The following FAT3 variants were observed in gnomAD, a reference collection of about 807,000 sequenced individuals.
FAT3 encodes protocadherin Fat 3.
In FAT3, 95 loss-of-function variants were observed where a neutral mutation model predicts 310.2. The ratio of observed to expected loss-of-function variants is 0.31; its 90% CI spans 0.26 to 0.36. The LOEUF is 0.36. FAT3 is among the 10% of genes least tolerant of loss of function. The probability of loss-of-function intolerance (pLI) is 1.00; values close to 1 mark genes in which losing one functional copy is unlikely to be tolerated. For missense variants in FAT3, 5,408 were observed against 5,715.6 expected (o/e 0.95, Z 1.74); for synonymous variants, 2,314 against 2,192.9 (o/e 1.06, Z -1.54).
At chr11:92,586,698 C>T (rs1233092564) in intron 3 of FAT3, among the ~76,000 whole-genome samples, 2 of 151,942 alleles carry the variant, frequency 1.3e-5, no homozygotes, top group Non-Finnish European at 2.9e-5. Flanking sequence ...CTAAACTCTA[C>T]TAATCATGAT....
At chr11:92,781,455 G>A (rs1296760987) in intron 7 of FAT3, among the ~76,000 whole-genome samples, 6 of 152,132 alleles carry the variant, frequency 3.9e-5, no homozygotes, top group South Asian at 2.1e-4. Flanking sequence ...AGAAATTGAG[G>A]CACAGACTGC....
chr11:92,692,495 G>A (rs973846582), intron 3 of FAT3, among the ~76,000 whole-genome samples: 5 of 152,214 alleles, frequency 3.3e-5, no homozygotes, highest in Non-Finnish European at 7.3e-5. Context: ...AAAAATTGAG[G>A]AGGCATTGAT....
intron 19 of FAT3, among the ~76,000 whole-genome samples, chr11:92,848,092 G>T (rs1302658632): frequency 6.6e-6 from 1 of 152,126 alleles, no homozygotes; most frequent in Non-Finnish European, 1.5e-5. Flanking sequence ...TCCACTCTGG[G>T]CTGTGTAGTA....
At chr11:92,808,654 G>A (rs149693167) in intron 12 of FAT3, among the ~76,000 whole-genome samples, 9 of 152,244 alleles carry the variant, frequency 5.9e-5, no homozygotes, top group East Asian at 1.9e-4. Context: ...TGGCCAGCAC[G>A]GTGGCTCACA....
chr11:92,749,669 G>A (rs566698536), intron 4 of FAT3, among the ~76,000 whole-genome samples: 3 of 152,228 alleles, frequency 2.0e-5, no homozygotes, highest in East Asian at 1.9e-4. Context: ...GGGTACCTTC[G>A]TACATTTCTC....
intron 22 of FAT3, among the ~76,000 whole-genome samples, chr11:92,879,957 G>T (rs565375156): frequency 5.3e-5 from 8 of 151,642 alleles, no homozygotes; most frequent in East Asian, 3.9e-4. Context: ...AAATCTTACG[G>T]TTTTTTTTAA....
intron 9 of FAT3, among the ~76,000 whole-genome samples, chr11:92,796,148 G>C (rs61901944): frequency 0.033 from 5,092 of 152,082 alleles, 174 homozygotes; most frequent in Non-Finnish European, 0.046. Flanking sequence ...TAGGTGAAGT[G>C]ATTTCCCCTT....
intron 2 of FAT3, among the ~76,000 whole-genome samples, chr11:92,424,772 CTAA>C: frequency 6.6e-6 from 1 of 152,002 alleles, no homozygotes; most frequent in South Asian, 2.1e-4. Flanking sequence ...GAATTTTTTT[CTAA>C]TTTTGGAAGG....
rs925409483 is a variant in FAT3, at chr11:92,831,610, T to A, written c.9482-12T>A. On this transcript the variant is annotated splice_polypyrimidine_tract_variant and intron_variant, in intron 13 of 27. Coordinates refer to ENST00000525166, the MANE Select transcript of FAT3 (RefSeq NM_001367949.2). ...GTTCTTGCCCACTCATTTTCCTGTG[T>A]CTCTCCCACAGGCATCAATAGGAAG... 39 of 1,601,946 alleles carry A rather than the reference T, an allele frequency of 2.4e-5. No homozygotes were observed. The highest frequency in any genetic ancestry group is 3.2e-5 in the Non-Finnish European group (37 of 1,174,152).
intron 2 of FAT3, chr11:92,406,621 G>C (rs370985179): frequency 5.9e-5 from 9 of 152,220 alleles, no homozygotes; most frequent in African/African-American, 2.2e-4. Context: ...TGCCACGAAA[G>C]CTGTGCAGAT....
At position 92,498,089 on chromosome 11, in the gene FAT3, AT is replaced by A. The variant is rs1239235981; in HGVS notation, c.3293-26535del. 654 of 150,106 alleles carry A rather than the reference AT, an allele frequency of 4.4e-3. 5 individuals are homozygous for A. The highest frequency in any genetic ancestry group is 0.012 in the African/African-American group (489 of 40,676). The allele number at this position is 150,106 out of a possible 1,614,324, so 9.3% of individuals were successfully genotyped here. A position where few individuals can be genotyped will look rare whatever the true frequency, so the allele number is the denominator to read the frequency against. On this transcript the variant is annotated intron_variant, in intron 2 of 27. Coordinates refer to ENST00000525166, the MANE Select transcript of FAT3 (RefSeq NM_001367949.2). Reference sequence around the variant, plus strand: ...TACTCACTGTTACTCTCTTGCTCTTATTTTTTTTTTCCACAAATGGGACTTT... The same window carrying A: ...TACTCACTGTTACTCTCTTGCTCTTATTTTTTTTTCCACAAATGGGACTTT...
At chr11:92,241,490 G>A (rs1479441719) in intron 1 of FAT3, among the ~76,000 whole-genome samples, 2 of 152,090 alleles carry the variant, frequency 1.3e-5, no homozygotes, top group Non-Finnish European at 2.9e-5. Context: ...ACCTGCATCT[G>A]TGATGAGTTC....
At chr11:92,459,576 C>T (rs1300316109) in intron 2 of FAT3, among the ~76,000 whole-genome samples, 1 of 152,166 alleles carries the variant, frequency 6.6e-6, no homozygotes, top group Admixed American at 6.6e-5. Context: ...AACTTCACTG[C>T]CTATGCCTGG....
chr11:92,895,127 A>G lies in FAT3; in HGVS notation c.*4014A>G, dbSNP rs1414315925. ...CTTCACTCCGCTGCCTTCCCAGTGC[A>G]CAGGTATTGCTAAAGTGGTTAGGCT... On this transcript the variant is annotated 3_prime_UTR_variant, in exon 28 of 28. Transcript: ENST00000525166. 2 of 152,248 alleles carry G rather than the reference A, an allele frequency of 1.3e-5. No individual in the cohort carries two copies. The highest frequency in any genetic ancestry group is 2.4e-5 in the African/African-American group (1 of 41,466). The allele number at this position is 152,248 out of a possible 1,614,324, so 9.4% of individuals were successfully genotyped here.
At chr11:92,854,725 C>A (rs1420688388) in intron 19 of FAT3, among the ~76,000 whole-genome samples, 1 of 152,156 alleles carries the variant, frequency 6.6e-6, no homozygotes, top group Non-Finnish European at 1.5e-5. Context: ...AATTATCTGG[C>A]CCTTTTTTCC....
chr11:92,773,955 A>T (rs1230063150), intron 6 of FAT3, 86 bp from the exon 7 acceptor site: 1 of 1,494,756 alleles, frequency 6.7e-7, no homozygotes, highest in East Asian at 2.3e-5. Context: ...AAATTTCTGT[A>T]TAAGAGCTCC....
At chr11:92,502,467 G>A (rs544757282) in intron 2 of FAT3, among the ~76,000 whole-genome samples, 1 of 152,128 alleles carries the variant, frequency 6.6e-6, no homozygotes, top group South Asian at 2.1e-4. Flanking sequence ...CACTGGGGAA[G>A]GGATGAGTAA....
chr11:92,602,302 C>T (rs182960105), intron 3 of FAT3, among the ~76,000 whole-genome samples: 2 of 152,236 alleles, frequency 1.3e-5, no homozygotes, highest in African/African-American at 4.8e-5. Context: ...AGAGTTTCAC[C>T]ATGTTGGCCA....
chr11:92,582,716 C>A (rs1291524442), intron 3 of FAT3, among the ~76,000 whole-genome samples: 1 of 151,996 alleles, frequency 6.6e-6, no homozygotes, highest in African/African-American at 2.4e-5. Flanking sequence ...TGTGACATGG[C>A]ATTCTTTGGG....
Sources: allele counts gnomAD v4.1 joint callset (sites outside exome capture counted in the v4.1 genomes callset), GRCh38; gene constraint gnomAD v4.1.1; transcripts MANE v1.5; gene names NCBI Gene and HGNC (gene_info 2026-07-23, HGNC 2026-07-21).